Variants in HIRA observed in about 807,000 individuals in gnomAD.
HIRA encodes the protein histone cell cycle regulator, also known as protein HIRA.
HIRA carries 13 observed loss-of-function variants against 126.6 expected under a neutral mutation model. The observed-to-expected ratio is 0.10, with a 90% CI of 0.07 to 0.16. The LOEUF (loss-of-function observed/expected upper bound fraction) is 0.16, where lower values mean the gene tolerates loss of function less well. Ranked by LOEUF, HIRA falls within the 10% of genes least tolerant of loss-of-function variation. HIRA has a pLI of 1.00. For synonymous variants in HIRA, 511 were observed against 520.0 expected, an observed-to-expected ratio of 0.98 and a Z score of 0.24; for missense variants, 834 against 1,314.4, an observed-to-expected ratio of 0.63 and a Z score of 5.65.
chr22:19,355,428 C>G (rs2088801894), intron 21 of HIRA, among the ~76,000 whole-genome samples: 1 of 152,154 alleles, frequency 6.6e-6, no homozygotes, highest in East Asian at 1.9e-4. Flanking sequence ...CCTGTTAAGG[C>G]TCCTGTAAAG....
chr22:19,354,156 C>G lies in HIRA; in HGVS notation c.2562-38G>C. 3 of 1,600,170 alleles carry G rather than the reference C, an allele frequency of 1.9e-6. No individual in the cohort carries two copies. In the South Asian group the frequency reaches 3.4e-5, roughly 18 times the overall value. On this transcript the variant is annotated intron_variant, in intron 21 of 24. Transcript: ENST00000263208. ...AGGCAGGAGCAGAGCTCAGGAAAAC[C>G]AAGAGATCTGGTTGGCCTCTTTGCC...
At chr22:19,431,093 G>A (rs1034121142) in intron 1 of HIRA, among the ~76,000 whole-genome samples, 3 of 152,218 alleles carry the variant, frequency 2.0e-5, no homozygotes, top group Non-Finnish European at 4.4e-5. Flanking sequence ...AGGACCGTCT[G>A]AGCACTTCTC....
chr22:19,417,525 G>A (rs2146251992), intron 1 of HIRA, among the ~76,000 whole-genome samples: 1 of 151,880 alleles, frequency 6.6e-6, no homozygotes, highest in South Asian at 2.1e-4. Context: ...GGGAGGCTGA[G>A]GCAGGAGAAT....
At chr22:19,338,709 A>G (rs188286156) in intron 24 of HIRA, among the ~76,000 whole-genome samples, 2 of 152,366 alleles carry the variant, frequency 1.3e-5, no homozygotes, top group African/African-American at 4.8e-5. Flanking sequence ...ACAATAGTTG[A>G]AAAAGACAAA....
At chr22:19,356,820 G>T in intron 19 of HIRA, 70 bp downstream of exon 19, 1 of 1,462,292 alleles carries the variant, frequency 6.8e-7, no homozygotes. Context: ...TGCCCCTGCA[G>T]TGAGGTGGGG....
Position 19,394,462 on chromosome 22 carries a change from C to T in HIRA, c.702G>A (p.Gly234=), listed in dbSNP as rs762834148. 1.2e-6 allele frequency: 2 copies of T among 1,614,118 alleles called. No individual in the cohort carries two copies. The highest frequency in any genetic ancestry group is 8.5e-7 in the Non-Finnish European group (1 of 1,180,000). The change falls in exon 8 of 25, where the codon GGG becomes GGA. Residue 234 remains glycine (G), a synonymous_variant. Coordinates refer to ENST00000263208, the MANE Select transcript of HIRA (RefSeq NM_003325.4). ...HVLRLSWSPD[G]HYLVSAHAMN... ...TGGCATGGGCAGACACCAGGTAATG[C>T]CCATCAGGTGACCAGCTGAGCCGCA...
chr22:19,398,907 C>T (rs1274975345), intron 5 of HIRA, among the ~76,000 whole-genome samples: 3 of 152,104 alleles, frequency 2.0e-5, no homozygotes, highest in South Asian at 2.1e-4. Context: ...GAGGTTAAGG[C>T]TGCAGTGACC....
chr22:19,386,383 T>G lies in HIRA; in HGVS notation c.1114-647A>C, dbSNP rs370211512. Among the ~76,000 whole-genome samples, 4 of 152,348 alleles carry G rather than the reference T, an allele frequency of 2.6e-5. No individual in the cohort carries two copies. The South Asian group carries it at 8.3e-4, about 32-fold the overall frequency. ...GGTGTCCCCAGCACACTGTAGTGAC[T>G]GCTGTACATGAAAGTGCATGAGGAA... On this transcript the variant is annotated intron_variant, in intron 11 of 24. Coordinates refer to ENST00000263208, the MANE Select transcript of HIRA (RefSeq NM_003325.4).
At chr22:19,375,534 C>A in intron 15 of HIRA, 97 bp downstream of exon 15, 1 of 1,340,604 alleles carries the variant, frequency 7.5e-7, no homozygotes, top group Admixed American at 2.0e-5. Flanking sequence ...TTTTCCCCAA[C>A]AGGAAGGCAG....
At chr22:19,401,902 T>A (rs994828957) in intron 5 of HIRA, among the ~76,000 whole-genome samples, 6 of 152,158 alleles carry the variant, frequency 3.9e-5, no homozygotes, top group Non-Finnish European at 8.8e-5. Flanking sequence ...CTGCGGAGAC[T>A]TCATATTCTT....
intron 1 of HIRA, among the ~76,000 whole-genome samples, chr22:19,414,044 A>G (rs1241183556): frequency 2.6e-5 from 4 of 152,190 alleles, no homozygotes; most frequent in Non-Finnish European, 5.9e-5. Context: ...AACTACCTCC[A>G]GTGTCTGGCC....
chr22:19,331,136 C>T lies in HIRA; in HGVS notation c.*304G>A, dbSNP rs782544999. ...CAGGGGCTAGTGTCCACCTTGGGGCCGTGCTGGAGACGGCAGGCCTGGGAC... is the reference window on the plus strand; with the variant it reads ...CAGGGGCTAGTGTCCACCTTGGGGCTGTGCTGGAGACGGCAGGCCTGGGAC... On this transcript the variant is annotated 3_prime_UTR_variant, in exon 25 of 25. Transcript: ENST00000263208. 9 of 1,312,144 alleles carry T rather than the reference C, an allele frequency of 6.9e-6. No individual in the cohort carries two copies. Among genetic ancestry groups the T allele is most frequent in the African/African-American group, 3.0e-5 (2 of 67,556 alleles). 81.3% of individuals were successfully genotyped at this position (1,312,144 alleles called of 1,614,324 possible).
chr22:19,365,768 C>T (rs906361418), intron 15 of HIRA: 2 of 152,190 alleles, frequency 1.3e-5, no homozygotes, highest in Admixed American at 6.5e-5. Flanking sequence ...ACATTTTTGC[C>T]TGTGGTCCCA....
At chr22:19,424,137 G>A (rs1164738601) in intron 1 of HIRA, among the ~76,000 whole-genome samples, 4 of 152,172 alleles carry the variant, frequency 2.6e-5, no homozygotes, top group African/African-American at 9.7e-5. Context: ...ACCATTCCTG[G>A]CCCTGGGAAA....
At chr22:19,428,130 A>G (rs1465674473) in intron 1 of HIRA, among the ~76,000 whole-genome samples, 1 of 152,200 alleles carries the variant, frequency 6.6e-6, no homozygotes, top group Non-Finnish European at 1.5e-5. Flanking sequence ...TAAGTCCAAG[A>G]ATTTACAGCT....
chr22:19,370,066 C>G (rs1050601482), intron 15 of HIRA, among the ~76,000 whole-genome samples: 2 of 152,146 alleles, frequency 1.3e-5, no homozygotes, highest in African/African-American at 4.8e-5. Flanking sequence ...TCTCTGCCTC[C>G]TGGGTTCAAG....
At position 19,431,493 on chromosome 22, in the gene HIRA, C is replaced by T; in HGVS notation, c.-17G>A. The T allele has an allele frequency of 6.3e-7, 1 of 1,594,596 alleles. No homozygotes were observed. The highest frequency in any genetic ancestry group is 8.5e-7 in the Non-Finnish European group (1 of 1,171,504). ...GAGCTTCATTGTTCGGCCGCCGCCG[C>T]CGCCGGGCTGAGGCGAGCGCCGGGT... On this transcript the variant is annotated 5_prime_UTR_variant, in exon 1 of 25. Coordinates refer to ENST00000263208, the MANE Select transcript of HIRA (RefSeq NM_003325.4).
At chr22:19,402,249 G>C (rs2089274857) in intron 5 of HIRA, among the ~76,000 whole-genome samples, 1 of 152,138 alleles carries the variant, frequency 6.6e-6, no homozygotes, top group Non-Finnish European at 1.5e-5. Flanking sequence ...ATAAATGTTT[G>C]GTATGTGGAC....
intron 24 of HIRA, among the ~76,000 whole-genome samples, chr22:19,348,548 T>G (rs2088714885): frequency 6.6e-6 from 1 of 151,986 alleles, no homozygotes; most frequent in South Asian, 2.1e-4. Flanking sequence ...TGGGCTGGTG[T>G]GCAATGGCGC....
Sources: gnomAD v4.1 joint callset for allele counts (sites outside exome capture counted in the v4.1 genomes callset) on GRCh38, gnomAD v4.1.1 for gene constraint, MANE v1.5 for transcripts, NCBI Gene and HGNC (gene_info 2026-07-23, HGNC 2026-07-21) for gene names.